SDK1: variants seen among roughly 807,000 people sequenced by gnomAD.
SDK1 encodes sidekick cell adhesion molecule 1.
SDK1 carries 157 observed loss-of-function variants against 245.5 expected under a neutral mutation model. The ratio of observed to expected loss-of-function variants is 0.64; its 90% CI spans 0.56 to 0.73. SDK1 has a LOEUF of 0.73. SDK1 is among the 30% of genes least tolerant of loss of function. The pLI, the probability that SDK1 is intolerant of heterozygous loss-of-function variation, is 0.00. For synonymous variants in SDK1, 1,647 were observed against 1,278.5 expected, an observed-to-expected ratio of 1.29 and a Z score of -6.15; for missense variants, 3,583 against 3,002.3, an observed-to-expected ratio of 1.19 and a Z score of -4.52.
chr7:3,832,457 A>T (rs551121181), intron 5 of SDK1, among the ~76,000 whole-genome samples: 84 of 152,322 alleles, frequency 5.5e-4, no homozygotes, highest in Non-Finnish European at 8.7e-4. Flanking sequence ...GCTCTTGTAG[A>T]AGGCAATTAC....
chr7:4,067,838 A>G lies in SDK1; in HGVS notation c.2912A>G (p.Lys971Arg), dbSNP rs780890928. The G allele has an allele frequency of 2.5e-6, 4 of 1,611,054 alleles. No homozygotes were observed. The Admixed American group carries it at 6.7e-5, about 27-fold the overall frequency. ...AGATGACTTTGCTTTTAATTGGTAG[A>G]ACCAGGAGCTGTGGGACATCTGAGT... ...TPQLVWTQED[K>R]PGAVGHLSFT... Residue 971 changes from lysine (K) to arginine (R), a missense_variant and splice_region_variant, in exon 20 of 45, where the codon AAA becomes AGA. By Grantham distance (26) the Lys-to-Arg change is conservative. Transcript: ENST00000404826.
chr7:3,474,793 C>G (rs570658176), intron 1 of SDK1, among the ~76,000 whole-genome samples: 1 of 152,142 alleles, frequency 6.6e-6, no homozygotes, highest in Non-Finnish European at 1.5e-5. Context: ...TGGGTTCAAG[C>G]GATCTTCCTA....
chr7:4,149,226 C>T (rs1780186355), intron 29 of SDK1, 36 bp from the exon 30 acceptor site: 3 of 1,449,872 alleles, frequency 2.1e-6, no homozygotes, highest in South Asian at 3.0e-5. Flanking sequence ...AGGGCAGCCT[C>T]TCACATGTCC....
intron 5 of SDK1, among the ~76,000 whole-genome samples, chr7:3,864,697 C>G (rs1457196103): frequency 6.6e-6 from 1 of 152,118 alleles, no homozygotes; most frequent in Non-Finnish European, 1.5e-5. Flanking sequence ...GCCTCCTGAT[C>G]TAGCCTGCTT....
Position 4,265,256 on chromosome 7 carries a change from G to A in SDK1, c.6514G>A (p.Ala2172Thr). Residue 2172 changes from alanine to threonine, a missense_variant, in exon 45 of 45, where the codon GCG becomes ACG. Coordinates refer to ENST00000404826, the MANE Select transcript of SDK1 (RefSeq NM_152744.4). ...CGCACCTGCGCCGCACAGGTACGAG[G>A]CGGTGGCGGGCTCCGAGGCGGGCGC... ...GRAPAPHRYE[A>T]VAGSEAGAQL... 1 of 1,601,182 alleles carries A rather than the reference G, an allele frequency of 6.2e-7. No homozygotes were observed.
At chr7:4,233,989 G>C (rs1482094521) in intron 41 of SDK1, among the ~76,000 whole-genome samples, 2 of 152,200 alleles carry the variant, frequency 1.3e-5, no homozygotes, top group Non-Finnish European at 2.9e-5. Flanking sequence ...AAAATCATTC[G>C]CAAGGAAAGC....
intron 1 of SDK1, among the ~76,000 whole-genome samples, chr7:3,320,804 T>C (rs1779783818): frequency 6.6e-6 from 1 of 152,114 alleles, no homozygotes; most frequent in East Asian, 1.9e-4. Flanking sequence ...TATAATATAG[T>C]GATAAGCTTG....
At chr7:3,451,237 T>G (rs1019742441) in intron 1 of SDK1, among the ~76,000 whole-genome samples, 1 of 151,474 alleles carries the variant, frequency 6.6e-6, no homozygotes, top group Non-Finnish European at 1.5e-5. Context: ...AAGGGGCAAT[T>G]GTTGTGAAGT....
chr7:3,417,307 C>T (rs1371372450), intron 1 of SDK1, among the ~76,000 whole-genome samples: 2 of 152,166 alleles, frequency 1.3e-5, no homozygotes, highest in Non-Finnish European at 2.9e-5. Context: ...CATGGGCTGC[C>T]CCTGCCCACC....
intron 1 of SDK1, among the ~76,000 whole-genome samples, chr7:3,399,939 C>G (rs1270019079): frequency 6.6e-6 from 1 of 152,134 alleles, no homozygotes; most frequent in Non-Finnish European, 1.5e-5. Flanking sequence ...TCAATTGCAG[C>G]TGATTGTTTT....
intron 5 of SDK1, among the ~76,000 whole-genome samples, chr7:3,823,639 A>T (rs1259170558): frequency 6.6e-6 from 1 of 152,226 alleles, no homozygotes; most frequent in East Asian, 1.9e-4. Flanking sequence ...GCTACTCATA[A>T]ATATTATAAT....
At chr7:3,928,513 A>G (rs936716176) in intron 5 of SDK1, among the ~76,000 whole-genome samples, 6 of 152,260 alleles carry the variant, frequency 3.9e-5, no homozygotes, top group African/African-American at 1.4e-4. Flanking sequence ...AAATTGTAGG[A>G]CTGATTTTAT....
At chr7:3,636,079 G>C (rs747695595) in intron 2 of SDK1, among the ~76,000 whole-genome samples, 1 of 152,122 alleles carries the variant, frequency 6.6e-6, no homozygotes, top group African/African-American at 2.4e-5. Flanking sequence ...CATAGAAAAA[G>C]CTGTACATAT....
rs754877724 is a variant in SDK1, at chr7:4,178,562, G to C, written c.5074G>C (p.Val1692Leu). Residue 1692 changes from valine (V) to leucine (L), a missense_variant, in exon 35 of 45, where the codon GTG (valine) becomes CTG (leucine). Transcript: ENST00000404826. The part of the protein sequence containing the change: ...IIGESPASAP[V>L]EVFVGEAAPA... ...CGGCGAGAGCCCAGCCAGCGCGCCC[G>C]TGGAGGTCTTTGTCGGCGAGGCTGG... is the stretch of plus-strand genomic sequence containing the variant. 167 of 1,612,564 alleles carry C rather than the reference G, an allele frequency of 1.0e-4. 1 individual carries two copies. The East Asian group carries it at 3.7e-3, about 35-fold the overall frequency.
chr7:4,266,224 T>C lies in SDK1; in HGVS notation c.*840T>C, dbSNP rs1788461800. ...GGCGTCTCCAGAATTGCTTGTTACG[T>C]AGGAAGCGTGCATTGTTAACCAGAG... On this transcript the variant is annotated 3_prime_UTR_variant, in exon 45 of 45. Transcript: ENST00000404826. 2.0e-6 allele frequency: 2 copies of C among 985,474 alleles called. No individual in the cohort carries two copies. Among genetic ancestry groups the C allele is most frequent in the East Asian group, 1.1e-4 (1 of 8,820 alleles). The allele number at this position is 985,474 out of a possible 1,614,324, so 61.0% of individuals were successfully genotyped here.
chr7:4,165,988 T>C (rs570038038), intron 32 of SDK1, among the ~76,000 whole-genome samples: 53 of 151,704 alleles, frequency 3.5e-4, no homozygotes, highest in Non-Finnish European at 6.5e-4. Context: ...GGAGTCTCAC[T>C]GTATTTCCCA....
At chr7:4,245,519 G>T (rs1786793264) in intron 43 of SDK1, among the ~76,000 whole-genome samples, 157 bp from the exon 44 acceptor site, 1 of 152,206 alleles carries the variant, frequency 6.6e-6, no homozygotes, top group South Asian at 2.1e-4. Context: ...CAGGTAGCCA[G>T]TGCTCAGAAT....
chr7:3,542,358 A>G (rs915724075), intron 1 of SDK1, among the ~76,000 whole-genome samples: 3 of 152,208 alleles, frequency 2.0e-5, no homozygotes, highest in Non-Finnish European at 2.9e-5. Context: ...GGGTCCTTTC[A>G]GCCTGTGCCT....
chr7:4,082,470 G>A (rs1225502876), intron 22 of SDK1, among the ~76,000 whole-genome samples: 1 of 149,964 alleles, frequency 6.7e-6, no homozygotes, highest in South Asian at 2.1e-4. Context: ...GGGAGGCGGA[G>A]TTTGCAGTGA....
Sources: allele counts gnomAD v4.1 joint callset (sites outside exome capture counted in the v4.1 genomes callset), GRCh38; gene constraint gnomAD v4.1.1; transcripts MANE v1.5; gene names NCBI Gene and HGNC (gene_info 2026-07-23, HGNC 2026-07-21).